The following GABRA1 variants were observed in gnomAD, a reference collection of about 807,000 sequenced individuals.
The protein encoded by GABRA1 is gamma-aminobutyric acid type A receptor subunit alpha1, also known as gamma-aminobutyric acid receptor subunit alpha-1.
A neutral mutation model predicts 48.9 loss-of-function variants in GABRA1; 9 were observed. That is an observed-to-expected ratio of 0.18 (90% CI 0.11 to 0.32). The LOEUF (loss-of-function observed/expected upper bound fraction) is 0.32. GABRA1 is among the 10% of genes least tolerant of loss of function. GABRA1 has a pLI of 1.00. For synonymous variants in GABRA1, 210 were observed against 198.7 expected (o/e 1.06, Z -0.48); for missense variants, 285 against 553.8 (o/e 0.51, Z 4.87).
intron 7 of GABRA1, among the ~76,000 whole-genome samples, 200 bp from the exon 8 acceptor site, chr5:161,890,698 C>A (rs983839737): frequency 6.6e-6 from 1 of 152,108 alleles, no homozygotes; most frequent in Non-Finnish European, 1.5e-5. Flanking sequence ...GCACCTCAGT[C>A]TCATCCTCAG....
chr5:161,861,650 T>A (rs1757864362), intron 3 of GABRA1, among the ~76,000 whole-genome samples: 2 of 151,826 alleles, frequency 1.3e-5, no homozygotes, highest in South Asian at 4.2e-4. Context: ...TAGGGGATAG[T>A]TTCCTGTTTT....
At chr5:161,876,675 C>T (rs549407449) in intron 6 of GABRA1, among the ~76,000 whole-genome samples, 109 of 152,220 alleles carry the variant, frequency 7.2e-4, no homozygotes, top group African/African-American at 2.5e-3. Context: ...CTAGGTTAAA[C>T]AGACATTTGG....
At chr5:161,875,521 T>C (rs1281213584) in intron 5 of GABRA1, 39 bp from the exon 6 acceptor site, 2 of 1,484,642 alleles carry the variant, frequency 1.3e-6, no homozygotes, top group East Asian at 2.3e-5. Flanking sequence ...AAGTATCTAA[T>C]CTATATGGCT....
At chr5:161,868,400 C>T (rs948159877) in intron 4 of GABRA1, among the ~76,000 whole-genome samples, 1 of 141,458 alleles carries the variant, frequency 7.1e-6, no homozygotes, top group Middle Eastern at 3.3e-3. Context: ...GAGAAAAGGA[C>T]TGAAATAGGT....
intron 4 of GABRA1, among the ~76,000 whole-genome samples, chr5:161,867,586 T>C (rs959307529): frequency 6.6e-6 from 1 of 152,120 alleles, no homozygotes; most frequent in Admixed American, 6.6e-5. Flanking sequence ...TTTTATAAGT[T>C]TTAAATGAGA....
rs533029802 is a variant in GABRA1 at position 161,852,452 on chromosome 5, G to A, written c.74+1568G>A. On this transcript the variant is annotated intron_variant, in intron 2 of 9. Coordinates refer to ENST00000393943, the MANE Select transcript of GABRA1 (RefSeq NM_001127644.2). ...GATCAGGGCCTCCTCACAACTTAGG[G>A]TGTTCTAGCATTTATTTTCCATCTT... Among the ~76,000 whole-genome samples the A allele has an allele frequency of 2.0e-5, 3 of 152,002 alleles. No individual in the cohort carries two copies. In the South Asian group the frequency reaches 6.2e-4, roughly 32 times the overall value.
Position 161,891,016 on chromosome 5 carries a change from C to T in GABRA1, c.822C>T (p.Leu274=), listed in dbSNP as rs142477850. 3 of 1,613,702 alleles carry T rather than the reference C, an allele frequency of 1.9e-6. No individual in the cohort carries two copies. The highest frequency in any genetic ancestry group is 2.5e-6 in the Non-Finnish European group (3 of 1,179,808). Residue 274 remains leucine, a synonymous_variant, in exon 8 of 10, where the codon CTC becomes CTT. Coordinates refer to ENST00000393943, the MANE Select transcript of GABRA1 (RefSeq NM_001127644.2). ...TVILSQVSFW[L]NRESVPARTV... Reference sequence around the variant, plus strand: ...TTCTCTCACAAGTCTCCTTCTGGCTCAACAGAGAGTCTGTACCAGCAAGAA... The same window carrying T: ...TTCTCTCACAAGTCTCCTTCTGGCTTAACAGAGAGTCTGTACCAGCAAGAA...
intron 2 of GABRA1, among the ~76,000 whole-genome samples, chr5:161,851,980 A>G (rs1229060912): frequency 6.6e-6 from 1 of 152,086 alleles, no homozygotes; most frequent in Non-Finnish European, 1.5e-5. Context: ...TTCTCTTCAA[A>G]ATATATATTC....
chr5:161,893,398 A>G (rs534425454), intron 8 of GABRA1, among the ~76,000 whole-genome samples: 2 of 152,288 alleles, frequency 1.3e-5, no homozygotes, highest in Admixed American at 6.5e-5. Flanking sequence ...TAACCTTTTA[A>G]CATTTATTTT....
chr5:161,853,918 G>A (rs1192761605), intron 2 of GABRA1, among the ~76,000 whole-genome samples: 2 of 151,664 alleles, frequency 1.3e-5, no homozygotes, highest in Non-Finnish European at 3.0e-5. Context: ...AATTCAAAAA[G>A]TAAACAGACA....
At chr5:161,856,050 C>T (rs1757631350) in intron 3 of GABRA1, among the ~76,000 whole-genome samples, 1 of 151,170 alleles carries the variant, frequency 6.6e-6, no homozygotes, top group Admixed American at 6.6e-5. Flanking sequence ...TGTTCATTTC[C>T]TTTTAATTGC....
chr5:161,865,656 G>A (rs1397765158), intron 3 of GABRA1, 65 bp from the exon 4 acceptor site: 4 of 1,247,478 alleles, frequency 3.2e-6, no homozygotes, highest in East Asian at 2.3e-5. Flanking sequence ...GTGTCAGTAT[G>A]TGGTGGTGAG....
intron 3 of GABRA1, among the ~76,000 whole-genome samples, chr5:161,855,905 T>G (rs752851468): frequency 4.6e-4 from 70 of 151,400 alleles, no homozygotes; most frequent in Non-Finnish European, 8.9e-4. Context: ...TTTAATATTT[T>G]GGCATGTAAA....
At chr5:161,854,692 C>A (rs1473565772) in intron 3 of GABRA1, among the ~76,000 whole-genome samples, 2 of 151,498 alleles carry the variant, frequency 1.3e-5, no homozygotes, top group Non-Finnish European at 3.0e-5. Flanking sequence ...TCATATTGAT[C>A]CACTATTATG....
intron 4 of GABRA1, among the ~76,000 whole-genome samples, chr5:161,870,292 T>G (rs1026175649): frequency 5.3e-5 from 8 of 152,118 alleles, no homozygotes; most frequent in African/African-American, 1.7e-4. Context: ...CCAGGCACAG[T>G]GGATCACTCC....
chr5:161,886,539 G>C (rs1754855760), intron 7 of GABRA1, among the ~76,000 whole-genome samples: 1 of 152,032 alleles, frequency 6.6e-6, no homozygotes, highest in Admixed American at 6.6e-5. Flanking sequence ...GGGAGGCTGA[G>C]ACAAGCAGAT....
intron 1 of GABRA1, among the ~76,000 whole-genome samples, chr5:161,849,238 T>G (rs1451699745): frequency 6.6e-6 from 1 of 152,230 alleles, no homozygotes; most frequent in Non-Finnish European, 1.5e-5. Context: ...CAAATGGTTT[T>G]GCTGTGTTTT....
chr5:161,876,880 A>G (rs1407418328), intron 6 of GABRA1, among the ~76,000 whole-genome samples: 1 of 152,200 alleles, frequency 6.6e-6, no homozygotes, highest in African/African-American at 2.4e-5. Context: ...TCTTACAGTT[A>G]GGAAGATCAT....
Position 161,897,500 on chromosome 5 carries a change from G to A in GABRA1, c.*78G>A, listed in dbSNP as rs976995047. The A allele has an allele frequency of 1.6e-6, 2 of 1,275,454 alleles. No individual in the cohort carries two copies. The highest frequency in any genetic ancestry group is 2.9e-5 in the African/African-American group (2 of 68,020). The allele number at this position is 1,275,454 out of a possible 1,614,324, so 79.0% of individuals were successfully genotyped here. A position where few individuals can be genotyped will look rare whatever the true frequency, so the allele number is the denominator to read the frequency against. ...GTTCTCAACGCAGTAATTCCCATCT[G>A]CTTTATTGCCTCTGTCTTAAAGAAT... On this transcript the variant is annotated 3_prime_UTR_variant, in exon 10 of 10. Coordinates refer to ENST00000393943, the MANE Select transcript of GABRA1 (RefSeq NM_001127644.2).
Sources: allele counts gnomAD v4.1 joint callset (sites outside exome capture counted in the v4.1 genomes callset), GRCh38; gene constraint gnomAD v4.1.1; transcripts MANE v1.5; gene names NCBI Gene and HGNC (gene_info 2026-07-23, HGNC 2026-07-21).